The following AGBL1 variants were observed in gnomAD, a reference collection of about 807,000 sequenced individuals.
AGBL1 encodes AGBL carboxypeptidase 1.
In AGBL1, 130 loss-of-function variants were observed where a neutral mutation model predicts 118.9. That is an observed-to-expected ratio of 1.09 (90% CI 0.95 to 1.26). The LOEUF (loss-of-function observed/expected upper bound fraction) is 1.26, where lower values mean the gene tolerates loss of function less well. Among genes scored for constraint, AGBL1 ranks in the 50% most tolerant of loss-of-function variants. The pLI is 0.00. For missense variants in AGBL1, 1,584 were observed against 1,298.1 expected (o/e 1.22, Z -3.38); for synonymous variants, 555 against 478.9 (o/e 1.16, Z -2.08).
chr15:86,175,190 G>A (rs1391183089), intron 5 of AGBL1, among the ~76,000 whole-genome samples: 2 of 151,808 alleles, frequency 1.3e-5, no homozygotes, highest in Non-Finnish European at 2.9e-5. Context: ...ATTCAATCTT[G>A]TACTCATTAT....
intron 21 of AGBL1, among the ~76,000 whole-genome samples, chr15:86,608,133 C>T (rs1158288322): frequency 1.3e-5 from 2 of 152,132 alleles, no homozygotes; most frequent in Non-Finnish European, 2.9e-5. Context: ...TTTTATAATC[C>T]TGCTAGTATG....
intron 22 of AGBL1, among the ~76,000 whole-genome samples, chr15:86,764,650 T>C (rs1223254543): frequency 1.3e-5 from 2 of 152,066 alleles, no homozygotes; most frequent in African/African-American, 4.8e-5. Flanking sequence ...ATAATAGTGT[T>C]ATAGATTTGA....
rs370030898 is a variant in AGBL1, at chr15:86,264,333, G to A, written c.1162G>A (p.Ala388Thr). ...TGCCAATCACCACCACATTCCAGCCGCTGCCTCCTCAAAACAGCATTGCTA... is the reference window on the plus strand; with the variant it reads ...TGCCAATCACCACCACATTCCAGCCACTGCCTCCTCAAAACAGCATTGCTA... ...QYANHHHIPA[A>T]ASSKQHCYSK... The change falls in exon 11 of 23, where the codon GCT becomes ACT. Residue 388 changes from alanine (A) to threonine (T), a missense_variant. Physicochemically the swap from Ala to Thr is moderately conservative, Grantham distance 58. Transcript: ENST00000614907. 3.9e-5 allele frequency: 63 copies of A among 1,612,078 alleles called. No individual in the cohort carries two copies. The highest frequency in any genetic ancestry group is 6.7e-5 in the African/African-American group (5 of 74,850).
chr15:86,161,812 C>A (rs1017123532), intron 5 of AGBL1, among the ~76,000 whole-genome samples: 1 of 152,174 alleles, frequency 6.6e-6, no homozygotes, highest in Non-Finnish European at 1.5e-5. Context: ...ATTGGAAGAC[C>A]TGCTCTGTAA....
At chr15:86,483,865 C>T (rs1215190444) in intron 18 of AGBL1, among the ~76,000 whole-genome samples, 3 of 152,222 alleles carry the variant, frequency 2.0e-5, no homozygotes, top group Middle Eastern at 3.4e-3. Context: ...AATCCCAGCT[C>T]ATCTTGAATA....
At chr15:86,862,586 T>C (rs1045217138) in intron 22 of AGBL1, among the ~76,000 whole-genome samples, 20 of 152,060 alleles carry the variant, frequency 1.3e-4, no homozygotes, top group Non-Finnish European at 2.6e-4. Flanking sequence ...CCGGGCGTGA[T>C]GACATATGCC....
chr15:86,560,918 G>T (rs1441836458), intron 21 of AGBL1, among the ~76,000 whole-genome samples: 1 of 152,176 alleles, frequency 6.6e-6, no homozygotes, highest in Non-Finnish European at 1.5e-5. Context: ...TCATGTGTCT[G>T]TTGGCGGCAT....
At chr15:87,004,021 T>C (rs141256950) in intron 24 of AGBL1, among the ~76,000 whole-genome samples, 5,195 of 152,272 alleles carry the variant, frequency 0.034, 127 homozygotes, top group Middle Eastern at 0.068. Context: ...TTGAATGTGT[T>C]TGCTCTTGAT....
chr15:86,240,509 G>T (rs987906122), intron 6 of AGBL1, among the ~76,000 whole-genome samples: 1 of 152,220 alleles, frequency 6.6e-6, no homozygotes, highest in Non-Finnish European at 1.5e-5. Context: ...TTTGAGAAGA[G>T]TGGTTTGAAG....
intron 23 of AGBL1, among the ~76,000 whole-genome samples, chr15:86,968,134 C>T (rs1255055827): frequency 2.0e-5 from 3 of 151,754 alleles, no homozygotes; most frequent in Non-Finnish European, 4.4e-5. Flanking sequence ...AGAGTCTCTT[C>T]CTGAACATGC....
intron 21 of AGBL1, among the ~76,000 whole-genome samples, chr15:86,573,747 A>G (rs16977815): frequency 0.091 from 13,798 of 152,148 alleles, 792 homozygotes; most frequent in African/African-American, 0.17. Flanking sequence ...TGGTATTTCT[A>G]TGAAGCTTAT....
At chr15:86,316,837 G>C (rs2080019991) in intron 17 of AGBL1, 1 of 152,318 alleles carries the variant, frequency 6.6e-6, no homozygotes, top group Admixed American at 6.5e-5. Flanking sequence ...TCTGATCTCA[G>C]TTGAGCACTC....
chr15:86,087,893 C>T (rs561933654), intron 1 of AGBL1, among the ~76,000 whole-genome samples: 12 of 152,154 alleles, frequency 7.9e-5, no homozygotes, highest in Non-Finnish European at 1.5e-4. Context: ...AGATGGAGAC[C>T]CTCACCTAGC....
intron 22 of AGBL1, among the ~76,000 whole-genome samples, chr15:86,826,524 G>A (rs2079014550): frequency 6.6e-6 from 1 of 152,074 alleles, no homozygotes; most frequent in South Asian, 2.1e-4. Context: ...GAGTTCCCAG[G>A]AGGAGATCAA....
intron 22 of AGBL1, among the ~76,000 whole-genome samples, chr15:86,779,796 T>A (rs2078306596): frequency 6.6e-6 from 1 of 152,172 alleles, no homozygotes; most frequent in African/African-American, 2.4e-5. Context: ...TTTATTTTTA[T>A]ATTTTATTAA....
At chr15:86,389,104 C>T (rs2081239746) in intron 17 of AGBL1, among the ~76,000 whole-genome samples, 1 of 151,764 alleles carries the variant, frequency 6.6e-6, no homozygotes, top group South Asian at 2.1e-4. Flanking sequence ...TTATTATTTG[C>T]AGGGGTTAGG....
intron 24 of AGBL1, among the ~76,000 whole-genome samples, chr15:87,012,713 A>AT (rs964238768): frequency 3.9e-5 from 6 of 151,922 alleles, no homozygotes; most frequent in African/African-American, 9.7e-5. Context: ...GAAAAAAATT[A>AT]TTTTTTGGCA....
intron 5 of AGBL1, among the ~76,000 whole-genome samples, chr15:86,165,645 A>G (rs902475897): frequency 3.9e-5 from 6 of 152,086 alleles, no homozygotes; most frequent in African/African-American, 9.7e-5. Context: ...CCCAGCCCCA[A>G]CTAACGGCTT....
At chr15:86,593,711 C>T (rs2084369312) in intron 21 of AGBL1, among the ~76,000 whole-genome samples, 2 of 152,266 alleles carry the variant, frequency 1.3e-5, no homozygotes, top group African/African-American at 2.4e-5. Flanking sequence ...AATCAAAATA[C>T]AAAATATTTC....
Sources: gnomAD v4.1 joint callset for allele counts (sites outside exome capture counted in the v4.1 genomes callset) on GRCh38, gnomAD v4.1.1 for gene constraint, MANE v1.5 for transcripts, NCBI Gene and HGNC (gene_info 2026-07-23, HGNC 2026-07-21) for gene names.